RAB23: variants seen among roughly 807,000 people sequenced by gnomAD.
RAB23 encodes the protein ras-related protein Rab-23.
In RAB23, 15 loss-of-function variants were observed where a neutral mutation model predicts 30.0. That is an observed-to-expected ratio of 0.50 (90% confidence interval 0.33 to 0.77). The LOEUF (loss-of-function observed/expected upper bound fraction) is 0.77, where lower values mean the gene tolerates loss of function less well. Among genes scored for constraint, RAB23 ranks in the 30% least tolerant of loss-of-function variants. The pLI, the probability that RAB23 is intolerant of heterozygous loss-of-function variation, is 0.02. For synonymous variants in RAB23, 93 were observed against 94.0 expected (o/e 0.99, Z 0.06); for missense variants, 243 against 275.4 (o/e 0.88, Z 0.83).
intron 4 of RAB23, 76 bp from the exon 5 acceptor site, chr6:57,194,928 C>A: frequency 9.2e-7 from 1 of 1,088,832 alleles, no homozygotes; most frequent in South Asian, 1.3e-5. Context: ...CTTTTAATTA[C>A]ATTTACTGAA....
chr6:57,215,983 TAAC>T (rs572906876), intron 1 of RAB23, among the ~76,000 whole-genome samples: 268 of 152,332 alleles, frequency 1.8e-3, no homozygotes, highest in African/African-American at 6.0e-3. Context: ...ATGCACCACA[TAAC>T]AACATTTCGG....
chr6:57,201,571 C>A (rs1454506845), intron 3 of RAB23, among the ~76,000 whole-genome samples: 1 of 152,182 alleles, frequency 6.6e-6, no homozygotes, highest in East Asian at 1.9e-4. Flanking sequence ...CACTCTTCCT[C>A]AAACCTGGTA....
At position 57,212,699 on chromosome 6, in the gene RAB23, T is replaced by C. The variant is rs531218365; in HGVS notation, c.-65-2254A>G. ...GGGTTCAAGACCAGCCTGGGCACCA[T>C]GTGAGTCCCTGTCTCTACCAAAAAA... On this transcript the variant is annotated intron_variant, in intron 1 of 6. Transcript: ENST00000468148. 6.8e-5 allele frequency among the ~76,000 whole-genome samples: 10 copies of C among 146,020 alleles called. No individual in the cohort carries two copies. In the East Asian group the frequency reaches 2.0e-3, roughly 29 times the overall value.
Position 57,191,706 on chromosome 6 carries a change from TAG to T in RAB23, c.575-1108_575-1107del, listed in dbSNP as rs1171129074. ...CTCAGGCAATCCACCTGCCTGGGAT[TAG>T]AGGTGTGCTAGGATTACAGGCATGA... On this transcript the variant is annotated intron_variant, in intron 6 of 6. Transcript: ENST00000468148. 1.9e-4 allele frequency among the ~76,000 whole-genome samples: 29 copies of T among 152,312 alleles called. No homozygotes were observed. The East Asian group carries it at 4.0e-3, about 21-fold the overall frequency.
intron 1 of RAB23, among the ~76,000 whole-genome samples, chr6:57,213,114 G>T (rs1208119644): frequency 6.6e-6 from 1 of 152,086 alleles, no homozygotes; most frequent in African/African-American, 2.4e-5. Flanking sequence ...TTCTCATAAG[G>T]ATATAAGGAG....
Position 57,196,499 on chromosome 6 carries a change from C to T in RAB23, c.349G>A (p.Val117Ile), listed in dbSNP as rs1765028184. Residue 117 changes from valine to isoleucine, a missense_variant, in exon 4 of 7, where the codon GTA (valine) becomes ATA (isoleucine). By Grantham distance (29) the Val-to-Ile change is conservative (BLOSUM62 3). Coordinates refer to ENST00000468148, the MANE Select transcript of RAB23 (RefSeq NM_016277.5). ...VVAEVGDIPT[V>I]LVQNKIDLLD... Reference sequence around the variant, plus strand: ...AGATCAATCTTGTTTTGCACAAGTACAGTTGGTATATCTCCCACTTCGGCT... The same window carrying T: ...AGATCAATCTTGTTTTGCACAAGTATAGTTGGTATATCTCCCACTTCGGCT... The T allele has an allele frequency of 6.2e-7, 1 of 1,613,888 alleles. No individual in the cohort carries two copies. The highest frequency in any genetic ancestry group is 1.3e-5 in the African/African-American group (1 of 74,900).
chr6:57,194,286 A>G (rs1764941333), intron 5 of RAB23, among the ~76,000 whole-genome samples: 1 of 152,140 alleles, frequency 6.6e-6, no homozygotes. Flanking sequence ...ATAGACATCC[A>G]AGAGAATATC....
At chr6:57,198,129 G>C (rs1334116011) in intron 3 of RAB23, among the ~76,000 whole-genome samples, 1 of 152,088 alleles carries the variant, frequency 6.6e-6, no homozygotes, top group Non-Finnish European at 1.5e-5. Flanking sequence ...TACAGAAAGA[G>C]AGAGACAAAG....
At chr6:57,200,550 A>G (rs914846497) in intron 3 of RAB23, among the ~76,000 whole-genome samples, 1 of 151,528 alleles carries the variant, frequency 6.6e-6, no homozygotes, top group Non-Finnish European at 1.5e-5. Flanking sequence ...AAAAAAAAAA[A>G]AAAAAAAAGA....
At chr6:57,217,213 CAAA>C (rs759917434) in intron 1 of RAB23, among the ~76,000 whole-genome samples, 1 of 58,538 alleles carries the variant, frequency 1.7e-5, no homozygotes, top group African/African-American at 6.4e-5. Flanking sequence ...ACAAGGAAAG[CAAA>C]AAAAAAAAAA....
chr6:57,220,752 G>A (rs529918001), intron 1 of RAB23, among the ~76,000 whole-genome samples: 10 of 151,978 alleles, frequency 6.6e-5, no homozygotes, highest in Admixed American at 2.6e-4. Context: ...TTTCTGTGGC[G>A]GGGGAGCGAT....
chr6:57,192,496 A>T (rs1342505611), intron 6 of RAB23, among the ~76,000 whole-genome samples: 1 of 152,242 alleles, frequency 6.6e-6, no homozygotes, highest in African/African-American at 2.4e-5. Context: ...GAAGTTTCAA[A>T]GGAAGGACAG....
intron 1 of RAB23, 82 bp from the exon 2 acceptor site, chr6:57,210,527 T>C (rs1452978100): frequency 1.7e-5 from 15 of 891,020 alleles, no homozygotes; most frequent in Admixed American, 4.0e-5. Flanking sequence ...AATTATCACA[T>C]TGCATTGCAA....
At chr6:57,201,014 G>A (rs1309772927) in intron 3 of RAB23, among the ~76,000 whole-genome samples, 1 of 151,856 alleles carries the variant, frequency 6.6e-6, no homozygotes, top group Non-Finnish European at 1.5e-5. Flanking sequence ...AAGCAGGAGA[G>A]TCACTTTGAT....
intron 3 of RAB23, among the ~76,000 whole-genome samples, chr6:57,196,920 T>C (rs1018646135): frequency 1.3e-5 from 2 of 152,198 alleles, no homozygotes; most frequent in African/African-American, 4.8e-5. Flanking sequence ...GCATACACAT[T>C]CTTTTTGGAA....
At chr6:57,208,741 C>T (rs1258209854) in intron 2 of RAB23, among the ~76,000 whole-genome samples, 1 of 151,566 alleles carries the variant, frequency 6.6e-6, no homozygotes, top group Non-Finnish European at 1.5e-5. Flanking sequence ...ACAGTAGTTA[C>T]GTTCTATAAT....
chr6:57,215,078 G>A lies in RAB23; in HGVS notation c.-65-4633C>T, dbSNP rs550689800. ...TGTTCAACGGCAGAATAGAGAGGAC[G>A]GAGGAAAGAATTAGTGAACTTGAAC... On this transcript the variant is annotated intron_variant, in intron 1 of 6. Coordinates refer to ENST00000468148, the MANE Select transcript of RAB23 (RefSeq NM_016277.5). Among the ~76,000 whole-genome samples, 6 of 152,226 alleles carry A rather than the reference G, an allele frequency of 3.9e-5. No individual in the cohort carries two copies. In the East Asian group the frequency reaches 7.7e-4, roughly 20 times the overall value.
chr6:57,190,511 G>C lies in RAB23; in HGVS notation c.664C>G (p.Gln222Glu), dbSNP rs756536052. 4 of 1,614,026 alleles carry C rather than the reference G, an allele frequency of 2.5e-6. No individual in the cohort carries two copies. Among genetic ancestry groups the C allele is most frequent in the African/African-American group, 1.3e-5 (1 of 75,026 alleles). The change falls in exon 7 of 7, where the codon CAA (glutamine) becomes GAA (glutamate). Residue 222 changes from glutamine to glutamate, a missense_variant. Transcript: ENST00000468148. ...GDVINLRPNK[Q>E]RTKKNRNPFS... ...GGATTTCTGTTTTTCTTGGTCCTTT[G>C]TTTGTTGGGTCTAAGATTGATGACA...
intron 1 of RAB23, among the ~76,000 whole-genome samples, chr6:57,215,362 A>G (rs1009328510): frequency 6.6e-6 from 1 of 152,250 alleles, no homozygotes; most frequent in Non-Finnish European, 1.5e-5. Context: ...TAAACAAATC[A>G]AAGTCAAACT....
Sources: gnomAD v4.1 joint callset for allele counts (sites outside exome capture counted in the v4.1 genomes callset) on GRCh38, gnomAD v4.1.1 for gene constraint, MANE v1.5 for transcripts, NCBI Gene and HGNC (gene_info 2026-07-23, HGNC 2026-07-21) for gene names.